The following GOLIM4 variants were observed in gnomAD, a reference collection of about 807,000 sequenced individuals.
The protein encoded by GOLIM4 is 130 kDa golgi-localized phosphoprotein.
In GOLIM4, 71 loss-of-function variants were observed where a neutral mutation model predicts 107.4. That is an observed-to-expected ratio of 0.66 (90% CI 0.55 to 0.81). The LOEUF (loss-of-function observed/expected upper bound fraction) is 0.81, where lower values mean the gene tolerates loss of function less well. Among genes scored for constraint, GOLIM4 ranks in the 30% least tolerant of loss-of-function variants. The pLI, the probability that GOLIM4 is intolerant of heterozygous loss-of-function variation, is 0.00. For synonymous variants in GOLIM4, 327 were observed against 294.8 expected, an observed-to-expected ratio of 1.11 and a Z score of -1.12; for missense variants, 830 against 826.1, an observed-to-expected ratio of 1.00 and a Z score of -0.06.
At position 168,067,919 on chromosome 3, in the gene GOLIM4, T is replaced by C. The variant is rs186155532; in HGVS notation, c.188-19554A>G. Among the ~76,000 whole-genome samples the C allele has an allele frequency of 9.1e-4, 138 of 152,216 alleles. 2 individuals carry two copies. Among genetic ancestry groups the C allele is most frequent in the Non-Finnish European group, 4.0e-4 (27 of 67,978 alleles). On this transcript the variant is annotated intron_variant, in intron 1 of 15. Transcript: ENST00000470487. Reference sequence around the variant, plus strand: ...TATTTATTGTGTGGGGCAGAAAGTATTTCCATCATCTTTTCTTTCAGAGTT... The same window carrying C: ...TATTTATTGTGTGGGGCAGAAAGTACTTCCATCATCTTTTCTTTCAGAGTT...
intron 14 of GOLIM4, among the ~76,000 whole-genome samples, chr3:168,020,251 G>C (rs1305424061): frequency 6.6e-6 from 1 of 152,130 alleles, no homozygotes; most frequent in African/African-American, 2.4e-5. Context: ...GGGGAGTCAT[G>C]GACCCTTTTA....
Position 168,029,807 on chromosome 3 carries a change from C to T in GOLIM4, c.1406G>A (p.Gly469Asp). ...GAGCTGCTCCTGGTGCTGCGGCCGG[C>T]CCTCCTCAAGCTCAGCCTGCCTCTG... The part of the protein sequence containing the change: ...ALQRQAELEE[G>D]RPQHQEQLRQ... The change falls in exon 10 of 16, where the codon GGC becomes GAC. Residue 469 changes from glycine to aspartate, a missense_variant. Coordinates refer to ENST00000470487, the MANE Select transcript of GOLIM4 (RefSeq NM_014498.5). The T allele has an allele frequency of 6.2e-7, 1 of 1,613,924 alleles. No homozygotes were observed. Among genetic ancestry groups the T allele is most frequent in the Non-Finnish European group, 8.5e-7 (1 of 1,180,020 alleles).
chr3:168,015,989 T>G (rs1717341018), intron 14 of GOLIM4, among the ~76,000 whole-genome samples: 1 of 133,854 alleles, frequency 7.5e-6, no homozygotes, highest in Non-Finnish European at 1.5e-5. Flanking sequence ...GGGCAAGGAC[T>G]TCATGTCTAA....
chr3:168,011,526 C>A (rs1020939680), intron 14 of GOLIM4, among the ~76,000 whole-genome samples: 1 of 151,830 alleles, frequency 6.6e-6, no homozygotes, highest in Non-Finnish European at 1.5e-5. Context: ...GAAGCTCCAA[C>A]TGGGCGGAGC....
At chr3:168,051,715 G>C (rs912030142) in intron 1 of GOLIM4, among the ~76,000 whole-genome samples, 1 of 152,288 alleles carries the variant, frequency 6.6e-6, no homozygotes, top group Non-Finnish European at 1.5e-5. Flanking sequence ...ACAAGCCGTC[G>C]TTATAACAGC....
intron 1 of GOLIM4, among the ~76,000 whole-genome samples, chr3:168,083,219 T>C (rs1721461076): frequency 6.6e-6 from 1 of 152,184 alleles, no homozygotes; most frequent in Non-Finnish European, 1.5e-5. Context: ...CAAGTTGAAA[T>C]TACCAGTTAC....
intron 1 of GOLIM4, among the ~76,000 whole-genome samples, chr3:168,094,054 T>C (rs756505345): frequency 6.6e-6 from 1 of 152,220 alleles, no homozygotes; most frequent in Non-Finnish European, 1.5e-5. Flanking sequence ...AGCTATTTAT[T>C]ATTATTTTTT....
At chr3:168,083,575 A>G (rs1447481877) in intron 1 of GOLIM4, among the ~76,000 whole-genome samples, 1 of 152,204 alleles carries the variant, frequency 6.6e-6, no homozygotes, top group African/African-American at 2.4e-5. Flanking sequence ...TCTTGCTAAT[A>G]TATTTCCAAT....
At chr3:168,090,470 T>C (rs1365530694) in intron 1 of GOLIM4, among the ~76,000 whole-genome samples, 1 of 152,218 alleles carries the variant, frequency 6.6e-6, no homozygotes, top group Non-Finnish European at 1.5e-5. Flanking sequence ...CACAGTGAGA[T>C]ACCATCTTAC....
chr3:168,075,006 G>T (rs1317033383), intron 1 of GOLIM4, among the ~76,000 whole-genome samples: 1 of 152,082 alleles, frequency 6.6e-6, no homozygotes, highest in Non-Finnish European at 1.5e-5. Context: ...TCATTAAAAT[G>T]CTGTGGAGCC....
Position 168,032,625 on chromosome 3 carries a change from A to C in GOLIM4, c.1071T>G (p.Leu357=). 1 of 1,613,706 alleles carries C rather than the reference A, an allele frequency of 6.2e-7. No individual in the cohort carries two copies. Among genetic ancestry groups the C allele is most frequent in the Non-Finnish European group, 8.5e-7 (1 of 1,179,934 alleles). The part of the protein sequence containing the change: ...EMEQVGQAEH[L]EEEHDPSPEE... ...CTGGTGATGGATCGTGTTCCTCCTCAAGATGTTCTGCTTGCCCGACCTGCT... is the reference window on the plus strand; with the variant it reads ...CTGGTGATGGATCGTGTTCCTCCTCCAGATGTTCTGCTTGCCCGACCTGCT... Residue 357 remains leucine, a synonymous_variant, in exon 9 of 16, where the codon CTT becomes CTG. Coordinates refer to ENST00000470487, the MANE Select transcript of GOLIM4 (RefSeq NM_014498.5).
At chr3:168,069,413 A>C (rs1207552886) in intron 1 of GOLIM4, among the ~76,000 whole-genome samples, 8 of 152,218 alleles carry the variant, frequency 5.3e-5, no homozygotes, top group African/African-American at 1.9e-4. Context: ...TTTACCAATG[A>C]AGTCAAGCAA....
intron 1 of GOLIM4, among the ~76,000 whole-genome samples, chr3:168,091,075 T>C (rs1412336359): frequency 1.3e-5 from 2 of 152,196 alleles, no homozygotes; most frequent in African/African-American, 4.8e-5. Flanking sequence ...GTCCATTCTT[T>C]GGGTGCACTG....
Position 168,010,299 on chromosome 3 carries a change from A to G in GOLIM4, c.2061T>C (p.Ala687=). 6.2e-7 allele frequency: 1 copy of G among 1,613,168 alleles called. No homozygotes were observed. The highest frequency in any genetic ancestry group is 8.5e-7 in the Non-Finnish European group (1 of 1,179,612). ...TTTCAGCTCTTCGATGTGATTTCTC[A>G]GCAACTGCAGCCCCGTCTTCTTCCT... ...EEEEEDGAAV[A]EKSHRRAEM The change falls in exon 16 of 16, where the codon GCT becomes GCC. Residue 687 remains alanine (A), a synonymous_variant. Coordinates refer to ENST00000470487, the MANE Select transcript of GOLIM4 (RefSeq NM_014498.5).
intron 8 of GOLIM4, among the ~76,000 whole-genome samples, chr3:168,033,659 A>G (rs1455769059): frequency 2.8e-5 from 4 of 144,316 alleles, no homozygotes; most frequent in Admixed American, 6.9e-5. Flanking sequence ...ATTACTAATG[A>G]ACATCCATGT....
In GOLIM4 at chr3:168,010,458, T is replaced by G. The variant is rs756506260; in HGVS notation, c.1942-40A>C. ...AAAAAAGAAAAACTAAGAGATAGTA[T>G]AGAGTTAGTGATAAATAATTCTCTC... is the stretch of plus-strand genomic sequence containing the variant. On this transcript the variant is annotated intron_variant, in intron 15 of 15. Coordinates refer to ENST00000470487, the MANE Select transcript of GOLIM4 (RefSeq NM_014498.5). 5 of 1,302,160 alleles carry G rather than the reference T, an allele frequency of 3.8e-6. No individual in the cohort carries two copies. In the South Asian group the frequency reaches 6.4e-5, roughly 17 times the overall value. 80.7% of individuals were successfully genotyped at this position (1,302,160 alleles called of 1,614,324 possible).
intron 1 of GOLIM4, among the ~76,000 whole-genome samples, chr3:168,081,470 A>T (rs370372342): frequency 6.6e-6 from 1 of 152,172 alleles, no homozygotes; most frequent in Non-Finnish European, 1.5e-5. Context: ...GAATCTAAAA[A>T]AAGGTAGAGT....
chr3:168,087,443 T>A (rs1261168309), intron 1 of GOLIM4, among the ~76,000 whole-genome samples: 1 of 152,116 alleles, frequency 6.6e-6, no homozygotes, highest in African/African-American at 2.4e-5. Flanking sequence ...TGAAAGGAAA[T>A]AAGTTTTTCA....
chr3:168,018,193 ATT>A (rs1349321613), intron 14 of GOLIM4, among the ~76,000 whole-genome samples: 2 of 152,108 alleles, frequency 1.3e-5, no homozygotes, highest in Non-Finnish European at 2.9e-5. Flanking sequence ...AAAATCACTT[ATT>A]TTGGTGGGGG....
Sources: allele counts gnomAD v4.1 joint callset (sites outside exome capture counted in the v4.1 genomes callset), GRCh38; gene constraint gnomAD v4.1.1; transcripts MANE v1.5; gene names NCBI Gene and HGNC (gene_info 2026-07-23, HGNC 2026-07-21).